ASCC3: variants seen among roughly 807,000 people sequenced by gnomAD.
ASCC3 encodes ASC-1 complex subunit P200.
Under a neutral mutation model 256.3 loss-of-function variants are expected in ASCC3, and 158 were observed. That is an observed-to-expected ratio of 0.62 (90% CI 0.54 to 0.70). ASCC3 has a LOEUF of 0.70. Ranked by LOEUF, ASCC3 falls within the 30% of genes least tolerant of loss-of-function variation. ASCC3 has a pLI of 0.00. For synonymous variants in ASCC3, 948 were observed against 883.4 expected, an observed-to-expected ratio of 1.07 and a Z score of -1.30; for missense variants, 2,259 against 2,626.0, an observed-to-expected ratio of 0.86 and a Z score of 3.05.
At chr6:100,804,348 G>A (rs1305589993) in intron 5 of ASCC3, among the ~76,000 whole-genome samples, 1 of 152,056 alleles carries the variant, frequency 6.6e-6, no homozygotes, top group Non-Finnish European at 1.5e-5. Context: ...TTTGAAAGTT[G>A]TCAAAATAAA....
At chr6:100,714,198 A>G (rs1022975944) in intron 13 of ASCC3, among the ~76,000 whole-genome samples, 4 of 152,196 alleles carry the variant, frequency 2.6e-5, no homozygotes, top group Non-Finnish European at 2.9e-5. Flanking sequence ...CATAAGGCCC[A>G]TAAAGCCTTA....
rs1775707737 is a variant in ASCC3 at position 100,546,125 on chromosome 6, GAAAT to G, written c.5551-5742_5551-5739del. Among the ~76,000 whole-genome samples, 3 of 151,928 alleles carry G rather than the reference GAAAT, an allele frequency of 2.0e-5. No homozygotes were observed. In the South Asian group the frequency reaches 6.2e-4, roughly 32 times the overall value. ...TCTGTATATTTGGAACCAACAATCA[GAAAT>G]AAAAAAGGAATTCATGATAACATTA... On this transcript the variant is annotated intron_variant, in intron 36 of 41. Transcript: ENST00000369162.
Position 100,631,205 on chromosome 6 carries a change from A to G in ASCC3, c.4131T>C (p.Tyr1377=), listed in dbSNP as rs1774525420. 1.2e-6 allele frequency: 2 copies of G among 1,611,342 alleles called. No homozygotes were observed. Among genetic ancestry groups the G allele is most frequent in the South Asian group, 1.1e-5 (1 of 90,974 alleles). ...GTACTAGGGCTTTTAGGGGTGCAAT[A>G]TATACCGCCTAAAAAGGGGAGAATA... is the stretch of plus-strand genomic sequence containing the variant. ...FNKYPTSKAV[Y]IAPLKALVRE... Residue 1377 remains tyrosine (Y), a synonymous_variant, in exon 26 of 42, where the codon TAT becomes TAC. Transcript: ENST00000369162.
intron 10 of ASCC3, among the ~76,000 whole-genome samples, chr6:100,758,084 C>G (rs1781266381): frequency 6.6e-6 from 1 of 152,128 alleles, no homozygotes; most frequent in East Asian, 1.9e-4. Context: ...ATAGGAAGCC[C>G]TCTGATATCA....
intron 10 of ASCC3, among the ~76,000 whole-genome samples, chr6:100,749,935 T>C (rs1780859699): frequency 6.6e-6 from 1 of 151,776 alleles, no homozygotes; most frequent in Non-Finnish European, 1.5e-5. Context: ...AAAATATAAA[T>C]TCAAGAGAAA....
chr6:100,627,048 A>G (rs1485463793), intron 29 of ASCC3, among the ~76,000 whole-genome samples: 1 of 152,140 alleles, frequency 6.6e-6, no homozygotes, highest in Non-Finnish European at 1.5e-5. Context: ...AGCAGCTCAC[A>G]TTTGAGAATT....
At chr6:100,633,188 AC>A (rs1419078952) in intron 25 of ASCC3, among the ~76,000 whole-genome samples, 4 of 152,140 alleles carry the variant, frequency 2.6e-5, no homozygotes, top group African/African-American at 9.7e-5. Context: ...TAAATTATGT[AC>A]CCTTCTAAGT....
intron 8 of ASCC3, among the ~76,000 whole-genome samples, chr6:100,789,011 A>C (rs1182250743): frequency 1.3e-5 from 2 of 151,946 alleles, no homozygotes; most frequent in Non-Finnish European, 2.9e-5. Context: ...ATAGTAGTCA[A>C]ATGATAACTT....
Position 100,816,793 on chromosome 6 carries a change from A to G in ASCC3, c.802-10913T>C, listed in dbSNP as rs530443440. On this transcript the variant is annotated intron_variant, in intron 4 of 41. Coordinates refer to ENST00000369162, the MANE Select transcript of ASCC3 (RefSeq NM_006828.4). ...AGGAGAGAGAAAATCTGTAGAAATA[A>G]CTAATAAGTTCCAGGCTTATAACTT... is the stretch of plus-strand genomic sequence containing the variant. Among the ~76,000 whole-genome samples, 26 of 152,232 alleles carry G rather than the reference A, an allele frequency of 1.7e-4. No individual in the cohort carries two copies. The East Asian group carries it at 4.8e-3, about 28-fold the overall frequency.
At chr6:100,847,603 T>A (rs1243227809) in intron 4 of ASCC3, among the ~76,000 whole-genome samples, 1 of 152,184 alleles carries the variant, frequency 6.6e-6, no homozygotes, top group Non-Finnish European at 1.5e-5. Context: ...TACCACATAA[T>A]GATTATTTAA....
chr6:100,759,049 A>G (rs1304852574), intron 10 of ASCC3, among the ~76,000 whole-genome samples: 1 of 152,192 alleles, frequency 6.6e-6, no homozygotes, highest in Non-Finnish European at 1.5e-5. Context: ...TCTTTTGAGA[A>G]GTGTCTGTTC....
At chr6:100,565,454 CT>C (rs1301557553) in intron 36 of ASCC3, among the ~76,000 whole-genome samples, 2 of 151,956 alleles carry the variant, frequency 1.3e-5, no homozygotes, top group Non-Finnish European at 2.9e-5. Flanking sequence ...TACTAAGTGG[CT>C]TTTTAAAAAT....
At chr6:100,588,089 A>G (rs570837744) in intron 36 of ASCC3, among the ~76,000 whole-genome samples, 5 of 152,132 alleles carry the variant, frequency 3.3e-5, no homozygotes, top group Non-Finnish European at 7.4e-5. Flanking sequence ...TTCAGGGCCC[A>G]TACTCTGGTG....
At chr6:100,764,941 A>T (rs9498343) in intron 10 of ASCC3, among the ~76,000 whole-genome samples, 2,945 of 152,278 alleles carry the variant, frequency 0.019, 86 homozygotes, top group African/African-American at 0.068. Flanking sequence ...GATCATCCTG[A>T]CTATGGTGGG....
At chr6:100,516,633 G>A (rs981639233) in intron 38 of ASCC3, among the ~76,000 whole-genome samples, 2 of 152,134 alleles carry the variant, frequency 1.3e-5, no homozygotes, top group Admixed American at 1.3e-4. Context: ...TGTAGATGAA[G>A]TACTGATCTG....
chr6:100,692,408 C>T (rs886816711), intron 13 of ASCC3, among the ~76,000 whole-genome samples: 3 of 151,804 alleles, frequency 2.0e-5, no homozygotes, highest in African/African-American at 7.3e-5. Flanking sequence ...TTGTTCTTAG[C>T]TTGATAATAT....
intron 37 of ASCC3, among the ~76,000 whole-genome samples, chr6:100,532,428 A>G (rs1215964533): frequency 1.8e-5 from 2 of 113,738 alleles, no homozygotes; most frequent in African/African-American, 6.3e-5. Flanking sequence ...TTTTTTTTTT[A>G]AATTACAAAA....
At chr6:100,666,348 A>G (rs1231533446) in intron 14 of ASCC3, among the ~76,000 whole-genome samples, 1 of 152,154 alleles carries the variant, frequency 6.6e-6, no homozygotes, top group Non-Finnish European at 1.5e-5. Flanking sequence ...ACCAGGCATG[A>G]ATCTTACGGG....
At chr6:100,527,485 A>G (rs1413480067) in intron 37 of ASCC3, among the ~76,000 whole-genome samples, 1 of 152,168 alleles carries the variant, frequency 6.6e-6, no homozygotes, top group Non-Finnish European at 1.5e-5. Context: ...TTTCACTGCT[A>G]AATGTATTTA....
Sources: allele counts gnomAD v4.1 joint callset (sites outside exome capture counted in the v4.1 genomes callset), GRCh38; gene constraint gnomAD v4.1.1; transcripts MANE v1.5; gene names NCBI Gene and HGNC (gene_info 2026-07-23, HGNC 2026-07-21).